Variants in RB1CC1 observed in about 807,000 individuals in gnomAD.
RB1CC1 encodes the protein RB1-inducible coiled-coil protein 1.
Under a neutral mutation model 177.5 loss-of-function variants are expected in RB1CC1, and 46 were observed. The ratio of observed to expected loss-of-function variants is 0.26; its 90% confidence interval spans 0.20 to 0.33. The LOEUF (loss-of-function observed/expected upper bound fraction) is 0.33, where lower values mean the gene tolerates loss of function less well. RB1CC1 is among the 10% of genes least tolerant of loss of function. The probability of loss-of-function intolerance (pLI) is 1.00; values close to 1 mark genes in which losing one functional copy is unlikely to be tolerated. For synonymous variants in RB1CC1, 666 were observed against 613.6 expected (o/e 1.09, Z -1.26); for missense variants, 1,703 against 1,816.3 (o/e 0.94, Z 1.13).
At chr8:52,654,167 T>C (rs11997531) in intron 15 of RB1CC1, among the ~76,000 whole-genome samples, 1 of 152,226 alleles carries the variant, frequency 6.6e-6, no homozygotes, top group African/African-American at 2.4e-5. Flanking sequence ...AGTGTCTTTA[T>C]TTGGAAGCTC....
chr8:52,669,603 C>A (rs1406410182), intron 7 of RB1CC1, among the ~76,000 whole-genome samples: 1 of 152,214 alleles, frequency 6.6e-6, no homozygotes, highest in Non-Finnish European at 1.5e-5. Context: ...ATAGGCACCA[C>A]TAGTTTTGCA....
chr8:52,685,775 G>C (rs930560730), intron 2 of RB1CC1, among the ~76,000 whole-genome samples: 3 of 152,166 alleles, frequency 2.0e-5, no homozygotes, highest in Admixed American at 2.0e-4. Context: ...TCTTCAAGAA[G>C]TAAAAGGCCA....
intron 16 of RB1CC1, chr8:52,643,187 C>T (rs568453019): frequency 1.7e-4 from 27 of 161,328 alleles, no homozygotes; most frequent in Middle Eastern, 5.9e-3. Context: ...GATCACCACC[C>T]TAACATTTTA....
intron 1 of RB1CC1, among the ~76,000 whole-genome samples, chr8:52,699,856 T>TATATATAC (rs1554557196): frequency 1.2e-5 from 1 of 86,942 alleles, no homozygotes; most frequent in Non-Finnish European, 2.3e-5. Context: ...TATATATATA[T>TATATATAC]ATACACACAA....
intron 1 of RB1CC1, among the ~76,000 whole-genome samples, chr8:52,710,933 G>A (rs886350116): frequency 1.3e-5 from 2 of 152,028 alleles, no homozygotes; most frequent in South Asian, 2.1e-4. Context: ...CAGGTATGCT[G>A]GACAGTTACT....
chr8:52,690,119 G>C (rs1854688504), intron 1 of RB1CC1, among the ~76,000 whole-genome samples: 1 of 152,130 alleles, frequency 6.6e-6, no homozygotes, highest in African/African-American at 2.4e-5. Flanking sequence ...GTTAACAAAA[G>C]GAAGCTAGAG....
chr8:52,661,535 T>A lies in RB1CC1; in HGVS notation c.1358A>T (p.Lys453Met). ...ELANNLHVRLKWCCFVMLHAD... is the reference protein window; with the variant it reads ...ELANNLHVRLMWCCFVMLHAD... The stretch of plus-strand genomic sequence containing the variant: ...AAACAGATATAAATGAATCACTTAC[T>A]TCAGTCTGACATGTAGGTTATTTGC... Residue 453 changes from lysine (K) to methionine (M), a missense_variant and splice_region_variant, in exon 9 of 24, where the codon AAG becomes ATG. Physicochemically the swap from Lys to Met is moderately conservative, Grantham distance 95. Around this residue, in one of 6 missense-constraint regions of RB1CC1, gnomAD observed 1,169 missense variants for 1,184.7 expected, o/e 0.99. Transcript: ENST00000025008. 1 of 1,591,180 alleles carries A rather than the reference T, an allele frequency of 6.3e-7. No homozygotes were observed. Among genetic ancestry groups the A allele is most frequent in the Non-Finnish European group, 8.5e-7 (1 of 1,169,912 alleles).
chr8:52,684,491 C>T (rs915620618), intron 3 of RB1CC1, among the ~76,000 whole-genome samples: 2 of 152,088 alleles, frequency 1.3e-5, no homozygotes, highest in Non-Finnish European at 2.9e-5. Context: ...TTCTGCATTG[C>T]CATAAAGTCT....
intron 15 of RB1CC1, among the ~76,000 whole-genome samples, chr8:52,647,773 G>C (rs1462718618): frequency 6.6e-6 from 1 of 152,268 alleles, no homozygotes; most frequent in East Asian, 1.9e-4. Context: ...TTTATTGCAA[G>C]TACCATATAA....
intron 12 of RB1CC1, 132 bp downstream of exon 12, chr8:52,660,464 C>A (rs11782948): frequency 0.18 from 155,814 of 862,122 alleles, 16,289 homozygotes; most frequent in Non-Finnish European, 0.22. Context: ...GCTTTTAAAG[C>A]CAAAAACACT....
chr8:52,644,669 C>T (rs975668300), intron 16 of RB1CC1, among the ~76,000 whole-genome samples: 6 of 152,114 alleles, frequency 3.9e-5, no homozygotes, highest in Non-Finnish European at 1.5e-5. Context: ...ATTCCCTTTT[C>T]CCAGGCTCTT....
intron 1 of RB1CC1, among the ~76,000 whole-genome samples, chr8:52,702,653 T>G (rs183940432): frequency 1.3e-5 from 2 of 151,942 alleles, no homozygotes; most frequent in South Asian, 2.1e-4. Flanking sequence ...CAGGTGGAGG[T>G]TGCAGTGAGC....
In RB1CC1 at chr8:52,658,063, C is replaced by T. The variant is rs1325809629; in HGVS notation, c.1855G>A (p.Val619Ile). Residue 619 changes from valine to isoleucine, a missense_variant, in exon 14 of 24, where the codon GTA becomes ATA. By Grantham distance (29) the Val-to-Ile change is conservative (BLOSUM62 3). Transcript: ENST00000025008. ...HQHVLALHNL[V>I]KAAQSLDEMS... The stretch of plus-strand genomic sequence containing the variant: ...TCATCCAAACTTTGTGCTGCTTTTA[C>T]CAAATTATGTAGAGCAAGTACATGC... 1 of 1,613,930 alleles carries T rather than the reference C, an allele frequency of 6.2e-7. No homozygotes were observed.
chr8:52,667,905 A>T, intron 8 of RB1CC1, 116 bp downstream of exon 8: 1 of 1,007,264 alleles, frequency 9.9e-7, no homozygotes, highest in East Asian at 2.6e-5. Flanking sequence ...TTAATACATT[A>T]AAAATATTCA....
At chr8:52,654,639 T>C (rs1379342978) in intron 15 of RB1CC1, among the ~76,000 whole-genome samples, 1 of 152,184 alleles carries the variant, frequency 6.6e-6, no homozygotes, top group Non-Finnish European at 1.5e-5. Context: ...TGAACTAAAC[T>C]TCAATCAGGC....
intron 18 of RB1CC1, among the ~76,000 whole-genome samples, chr8:52,639,508 A>G (rs960576597): frequency 6.6e-6 from 1 of 152,200 alleles, no homozygotes; most frequent in African/African-American, 2.4e-5. Context: ...CTTGCTGAAT[A>G]GCAATGGTGA....
intron 12 of RB1CC1, among the ~76,000 whole-genome samples, chr8:52,660,376 G>A (rs1413104203): frequency 3.3e-5 from 5 of 152,092 alleles, no homozygotes; most frequent in African/African-American, 1.2e-4. Context: ...TGCAGTATAA[G>A]GTATCTTCCT....
At chr8:52,659,116 A>C (rs1487336896) in intron 12 of RB1CC1, 140 bp from the exon 13 acceptor site, 1 of 468,652 alleles carries the variant, frequency 2.1e-6, no homozygotes, top group Non-Finnish European at 3.8e-6. Context: ...ACAAAAAAAG[A>C]CCATTCAATA....
chr8:52,652,425 A>C (rs1014972845), intron 15 of RB1CC1, among the ~76,000 whole-genome samples: 34 of 144,458 alleles, frequency 2.4e-4, no homozygotes, highest in Non-Finnish European at 4.2e-4. Context: ...GCGCCACTGC[A>C]CTCCAGCCTG....
Sources: gnomAD v4.1 joint callset for allele counts (sites outside exome capture counted in the v4.1 genomes callset) on GRCh38, gnomAD v4.1.1 for gene constraint, gnomAD v4.1.1 regional missense constraint, MANE v1.5 for transcripts, NCBI Gene and HGNC (gene_info 2026-07-23, HGNC 2026-07-21) for gene names.